Variants in NEO1 observed in about 807,000 individuals in gnomAD.
The protein encoded by NEO1 is neogenin.
NEO1 carries 63 observed loss-of-function variants against 159.7 expected under a neutral mutation model. The observed-to-expected ratio is 0.39, with a 90% confidence interval of 0.32 to 0.49. NEO1 has a LOEUF of 0.49. Among genes scored for constraint, NEO1 ranks in the 20% least tolerant of loss-of-function variants. The pLI, the probability that NEO1 is intolerant of heterozygous loss-of-function variation, is 0.85. For missense variants in NEO1, 1,615 were observed against 1,831.0 expected (o/e 0.88, Z 2.15); for synonymous variants, 633 against 662.0 (o/e 0.96, Z 0.67).
intron 5 of NEO1, among the ~76,000 whole-genome samples, chr15:73,149,865 C>T (rs2033232248): frequency 6.6e-6 from 1 of 152,126 alleles, no homozygotes; most frequent in Non-Finnish European, 1.5e-5. Context: ...TTGTTGGGAA[C>T]ATTTCAAATC....
intron 21 of NEO1, among the ~76,000 whole-genome samples, chr15:73,275,109 G>A (rs919757684): frequency 2.0e-5 from 3 of 152,114 alleles, no homozygotes; most frequent in African/African-American, 7.2e-5. Flanking sequence ...CATACCAATT[G>A]TTTATATTTG....
intron 1 of NEO1, among the ~76,000 whole-genome samples, chr15:73,084,195 A>C (rs1190510758): frequency 6.6e-6 from 1 of 152,120 alleles, no homozygotes; most frequent in Non-Finnish European, 1.5e-5. Flanking sequence ...TTTCAAGAAT[A>C]TAATACATTG....
At chr15:73,052,999 G>A (rs2067529520) in intron 1 of NEO1, among the ~76,000 whole-genome samples, 194 bp downstream of exon 1, 2 of 151,970 alleles carry the variant, frequency 1.3e-5, no homozygotes, top group African/African-American at 4.8e-5. Flanking sequence ...ACCGGGGAAG[G>A]GGCGGCTGCC....
At chr15:73,298,774 A>G (rs1179404981) in intron 27 of NEO1, among the ~76,000 whole-genome samples, 163 bp downstream of exon 27, 1 of 152,236 alleles carries the variant, frequency 6.6e-6, no homozygotes, top group African/African-American at 2.4e-5. Flanking sequence ...TGCCCCGCCC[A>G]GGAAGTTTAT....
chr15:73,212,936 A>G (rs1176301734), intron 7 of NEO1, among the ~76,000 whole-genome samples: 3 of 152,226 alleles, frequency 2.0e-5, no homozygotes, highest in Non-Finnish European at 4.4e-5. Context: ...TTTCATTCCC[A>G]TATTTATGTG....
chr15:73,127,908 G>C (rs1297951120), intron 4 of NEO1, among the ~76,000 whole-genome samples: 2 of 152,158 alleles, frequency 1.3e-5, no homozygotes, highest in African/African-American at 4.8e-5. Context: ...CTATTGACTT[G>C]GACAGGGCAG....
intron 5 of NEO1, among the ~76,000 whole-genome samples, chr15:73,170,718 G>C (rs114723638): frequency 1.3e-5 from 2 of 152,168 alleles, no homozygotes. Flanking sequence ...AAACGTAAGT[G>C]AAGGGAAAAA....
intron 5 of NEO1, among the ~76,000 whole-genome samples, chr15:73,148,702 T>G (rs1346800167): frequency 6.6e-6 from 1 of 152,196 alleles, no homozygotes; most frequent in Non-Finnish European, 1.5e-5. Context: ...GAATGGTGAT[T>G]TAAATTCTGA....
chr15:73,089,810 C>G (rs1048050759), intron 1 of NEO1, among the ~76,000 whole-genome samples: 2 of 152,052 alleles, frequency 1.3e-5, no homozygotes, highest in Admixed American at 6.5e-5. Flanking sequence ...CCTACAGATA[C>G]CTCTCAAGTG....
chr15:73,298,208 TA>T, intron 26 of NEO1, 139 bp from the exon 27 acceptor site: 1 of 980,760 alleles, frequency 1.0e-6, no homozygotes, highest in Middle Eastern at 2.2e-4. Flanking sequence ...GCAGTGGTGC[TA>T]ATCCATGTTC....
intron 4 of NEO1, among the ~76,000 whole-genome samples, chr15:73,135,200 T>C (rs72741417): frequency 0.088 from 13,324 of 152,256 alleles, 678 homozygotes; most frequent in South Asian, 0.11. Flanking sequence ...TTCAATGTTA[T>C]AGGATTATTT....
At chr15:73,181,423 G>A (rs1436998676) in intron 7 of NEO1, among the ~76,000 whole-genome samples, 1 of 152,154 alleles carries the variant, frequency 6.6e-6, no homozygotes, top group Non-Finnish European at 1.5e-5. Context: ...GTCTGTTCTT[G>A]CATTGCTATA....
intron 1 of NEO1, among the ~76,000 whole-genome samples, chr15:73,093,380 C>T (rs867547013): frequency 2.8e-4 from 43 of 152,180 alleles, no homozygotes; most frequent in African/African-American, 1.0e-3. Flanking sequence ...TGTTCTCCCT[C>T]GTAGAGGGTG....
rs2067496216 is a variant in NEO1, at chr15:73,052,479, T to C, written c.-197T>C. On this transcript the variant is annotated 5_prime_UTR_variant, in exon 1 of 29. Coordinates refer to ENST00000261908, the MANE Select transcript of NEO1 (RefSeq NM_002499.4). The stretch of plus-strand genomic sequence containing the variant: ...CGCTCTCCTCCCCTCCCCGCCCCCT[T>C]GCAGGAGGGAGGCGCCCTGGAGTCT... 1 of 78,316 alleles carries C rather than the reference T, an allele frequency of 1.3e-5. No individual in the cohort carries two copies. The highest frequency in any genetic ancestry group is 5.0e-5 in the African/African-American group (1 of 20,196). 4.9% of individuals were successfully genotyped at this position (78,316 alleles called of 1,614,324 possible).
chr15:73,179,493 G>A (rs796720627), intron 7 of NEO1, among the ~76,000 whole-genome samples: 10 of 152,326 alleles, frequency 6.6e-5, no homozygotes, highest in African/African-American at 2.4e-4. Flanking sequence ...AAACCACCCA[G>A]TGGATCAGGT....
chr15:73,230,763 T>G (rs2038864377), intron 7 of NEO1, among the ~76,000 whole-genome samples: 1 of 152,112 alleles, frequency 6.6e-6, no homozygotes, highest in Non-Finnish European at 1.5e-5. Flanking sequence ...GATAATTCTT[T>G]GTATTTTTTG....
At chr15:73,257,434 C>A (rs2040422832) in intron 13 of NEO1, among the ~76,000 whole-genome samples, 1 of 152,014 alleles carries the variant, frequency 6.6e-6, no homozygotes, top group South Asian at 2.1e-4. Context: ...TAATAGATTT[C>A]ATTGAACTTT....
At chr15:73,077,010 A>T (rs1246143508) in intron 1 of NEO1, among the ~76,000 whole-genome samples, 4 of 152,182 alleles carry the variant, frequency 2.6e-5, no homozygotes, top group Non-Finnish European at 5.9e-5. Flanking sequence ...TAGGATAGTG[A>T]TATCTTATAA....
intron 1 of NEO1, among the ~76,000 whole-genome samples, chr15:73,070,083 T>C (rs2068460674): frequency 6.6e-6 from 1 of 152,230 alleles, no homozygotes; most frequent in Non-Finnish European, 1.5e-5. Flanking sequence ...TAAAATACTC[T>C]GTACAGAGAG....
Sources: gnomAD v4.1 joint callset for allele counts (sites outside exome capture counted in the v4.1 genomes callset) on GRCh38, gnomAD v4.1.1 for gene constraint, MANE v1.5 for transcripts, NCBI Gene and HGNC (gene_info 2026-07-23, HGNC 2026-07-21) for gene names.